AKAP13: variants seen among roughly 807,000 people sequenced by gnomAD.
AKAP13 encodes the protein A-kinase anchor protein 13.
Under a neutral mutation model 264.5 loss-of-function variants are expected in AKAP13, and 80 were observed. That is an observed-to-expected ratio of 0.30 (90% confidence interval 0.25 to 0.36). The LOEUF is 0.36. Among genes scored for constraint, AKAP13 ranks in the 10% least tolerant of loss-of-function variants. AKAP13 has a pLI of 1.00. For synonymous variants in AKAP13, 1,380 were observed against 1,250.2 expected, an observed-to-expected ratio of 1.10 and a Z score of -2.19; for missense variants, 3,712 against 3,435.2, an observed-to-expected ratio of 1.08 and a Z score of -2.01.
intron 1 of AKAP13, among the ~76,000 whole-genome samples, chr15:85,423,152 C>T (rs1224034522): frequency 6.6e-6 from 1 of 152,178 alleles, no homozygotes; most frequent in East Asian, 1.9e-4. Context: ...GCTAACTGAT[C>T]AGGTGGTGGT....
intron 3 of AKAP13, among the ~76,000 whole-genome samples, chr15:85,531,034 T>C (rs2077225757): frequency 6.6e-6 from 1 of 152,148 alleles, no homozygotes; most frequent in Non-Finnish European, 1.5e-5. Context: ...GGCTAATTTT[T>C]ATTTTTAGTA....
chr15:85,480,736 G>C (rs551847519), intron 1 of AKAP13: 1 of 152,138 alleles, frequency 6.6e-6, no homozygotes, highest in South Asian at 2.1e-4. Flanking sequence ...TGCCCAGGCT[G>C]GAGTGCAGTG....
chr15:85,488,798 G>A (rs1345414664), intron 2 of AKAP13, among the ~76,000 whole-genome samples: 1 of 152,216 alleles, frequency 6.6e-6, no homozygotes, highest in Non-Finnish European at 1.5e-5. Context: ...ACACAGCCCT[G>A]CTGGCACCTT....
Position 85,747,283 on chromosome 15 carries a change from G to A in AKAP13, c.*2606G>A, listed in dbSNP as rs2089398545. Reference sequence around the variant, plus strand: ...CAGGGGGATTTGTTCCTGTCCTGGGGATTTACCTGGGATGGTGGCTGCCTG... The same window carrying A: ...CAGGGGGATTTGTTCCTGTCCTGGGAATTTACCTGGGATGGTGGCTGCCTG... On this transcript the variant is annotated 3_prime_UTR_variant, in exon 37 of 37. Transcript: ENST00000394518. 6.6e-6 allele frequency: 1 copy of A among 152,370 alleles called. No homozygotes were observed. The highest frequency in any genetic ancestry group is 2.4e-5 in the African/African-American group (1 of 41,446). 9.4% of individuals were successfully genotyped at this position (152,370 alleles called of 1,614,324 possible). A position where few individuals can be genotyped will look rare whatever the true frequency, so the allele number is the denominator to read the frequency against.
Position 85,726,677 on chromosome 15 carries a change from T to G in AKAP13, c.6822+191T>G, listed in dbSNP as rs532718674. ...CTTCCCAAAAAATTATTATTCTGTTTCATCACAGTCTTCTTTTAGTGTCTT... is the reference window on the plus strand; with the variant it reads ...CTTCCCAAAAAATTATTATTCTGTTGCATCACAGTCTTCTTTTAGTGTCTT... On this transcript the variant is annotated intron_variant, in intron 27 of 36. Coordinates refer to ENST00000394518, the MANE Select transcript of AKAP13 (RefSeq NM_007200.5). Among the ~76,000 whole-genome samples the G allele has an allele frequency of 2.0e-5, 3 of 152,332 alleles. No individual in the cohort carries two copies. The South Asian group carries it at 6.2e-4, about 32-fold the overall frequency.
chr15:85,402,100 C>G (rs959513280), intron 1 of AKAP13, among the ~76,000 whole-genome samples: 2 of 152,264 alleles, frequency 1.3e-5, no homozygotes, highest in Non-Finnish European at 2.9e-5. Flanking sequence ...AACGGTTAAA[C>G]TGTATCAGGT....
In AKAP13 at chr15:85,730,385, G is replaced by C. The variant is rs186933127; in HGVS notation, c.7088-128G>C. On this transcript the variant is annotated intron_variant, in intron 29 of 36. Coordinates refer to ENST00000394518, the MANE Select transcript of AKAP13 (RefSeq NM_007200.5). ...CTGTCTTGATGAAAAAGAAAAGGCA[G>C]TGTGGGTGGGGAGGGTGTCCTGTCT... The C allele has an allele frequency of 1.7e-5, 15 of 862,004 alleles. No homozygotes were observed. The East Asian group carries it at 3.7e-4, about 21-fold the overall frequency. The allele number at this position is 862,004 out of a possible 1,614,324, so 53.4% of individuals were successfully genotyped here.
intron 8 of AKAP13, among the ~76,000 whole-genome samples, chr15:85,617,788 C>A (rs983423679): frequency 6.6e-6 from 1 of 152,226 alleles, no homozygotes; most frequent in Non-Finnish European, 1.5e-5. Context: ...TCTATACATT[C>A]AAGCCTAAAG....
chr15:85,735,299 GA>G, intron 31 of AKAP13, 149 bp downstream of exon 31: 1 of 1,145,920 alleles, frequency 8.7e-7, no homozygotes, highest in African/African-American at 1.5e-5. Context: ...TTGTCAGTCA[GA>G]CTCATATTCA....
intron 2 of AKAP13, among the ~76,000 whole-genome samples, chr15:85,489,592 A>G (rs2075667917): frequency 6.6e-6 from 1 of 152,212 alleles, no homozygotes; most frequent in Non-Finnish European, 1.5e-5. Flanking sequence ...GAAGATTTTC[A>G]TTTAGATCAT....
intron 2 of AKAP13, among the ~76,000 whole-genome samples, chr15:85,512,064 C>T (rs772065491): frequency 1.2e-4 from 18 of 150,572 alleles, no homozygotes; most frequent in Non-Finnish European, 2.2e-4. Flanking sequence ...TTTTCTTCGT[C>T]GCCTACACAG....
chr15:85,552,606 A>ATC (rs2077995381), intron 5 of AKAP13, among the ~76,000 whole-genome samples: 1 of 149,580 alleles, frequency 6.7e-6, no homozygotes, highest in Admixed American at 6.7e-5. Context: ...GATTGAGGAT[A>ATC]ATTTATCATC....
chr15:85,469,078 C>A (rs1259407286), intron 1 of AKAP13, among the ~76,000 whole-genome samples: 1 of 137,910 alleles, frequency 7.3e-6, no homozygotes, highest in Non-Finnish European at 1.5e-5. Flanking sequence ...CCACGCCCAG[C>A]TAATTTTTGT....
At chr15:85,600,103 G>T (rs968602981) in intron 8 of AKAP13, among the ~76,000 whole-genome samples, 6 of 152,066 alleles carry the variant, frequency 3.9e-5, no homozygotes, top group African/African-American at 1.4e-4. Context: ...GACAGAGAAG[G>T]TGAAGGAGAC....
intron 21 of AKAP13, 127 bp from the exon 22 acceptor site, chr15:85,717,880 A>G (rs2087045772): frequency 3.4e-6 from 3 of 894,928 alleles, no homozygotes; most frequent in South Asian, 1.8e-5. Flanking sequence ...CTAGAATATG[A>G]TCTCTGTGAA....
chr15:85,655,873 T>C, intron 11 of AKAP13, 86 bp downstream of exon 11: 10 of 1,498,122 alleles, frequency 6.7e-6, no homozygotes, highest in Non-Finnish European at 8.8e-6. Flanking sequence ...GGTAAAAGAA[T>C]TTAGGAGACC....
chr15:85,582,236 A>G, intron 7 of AKAP13, 129 bp downstream of exon 7: 3 of 1,038,196 alleles, frequency 2.9e-6, no homozygotes, highest in South Asian at 3.6e-5. Context: ...TAGGTAGCCA[A>G]GTTAATAGTC....
In AKAP13 at chr15:85,565,057, T is replaced by G. The variant is rs2078553773; in HGVS notation, c.663-10074T>G. 2.0e-5 allele frequency among the ~76,000 whole-genome samples: 3 copies of G among 152,316 alleles called. No individual in the cohort carries two copies. In the South Asian group the frequency reaches 6.2e-4, roughly 32 times the overall value. On this transcript the variant is annotated intron_variant, in intron 5 of 36. Transcript: ENST00000394518. ...GACAGGAAGATTGAAAATTTCAAGG[T>G]AATCATATTGTCAGCTTTTCATATC...
intron 1 of AKAP13, chr15:85,389,867 A>G (rs1179496738): frequency 6.6e-6 from 1 of 152,258 alleles, no homozygotes; most frequent in African/African-American, 2.4e-5. Context: ...GACAGATTCT[A>G]AAAGATCTGT....
Sources: allele counts gnomAD v4.1 joint callset (sites outside exome capture counted in the v4.1 genomes callset), GRCh38; gene constraint gnomAD v4.1.1; transcripts MANE v1.5; gene names NCBI Gene and HGNC (gene_info 2026-07-23, HGNC 2026-07-21).